DPP10: variants seen among roughly 807,000 people sequenced by gnomAD.
The protein encoded by DPP10 is inactive dipeptidyl peptidase 10.
In DPP10, 33 loss-of-function variants were observed where a neutral mutation model predicts 120.9. That is an observed-to-expected ratio of 0.27 (90% confidence interval 0.21 to 0.37). The LOEUF is 0.37. DPP10 is among the 10% of genes least tolerant of loss of function. The pLI, the probability that DPP10 is intolerant of heterozygous loss-of-function variation, is 1.00. For missense variants in DPP10, 816 were observed against 942.8 expected, an observed-to-expected ratio of 0.87 and a Z score of 1.76; for synonymous variants, 337 against 326.1, an observed-to-expected ratio of 1.03 and a Z score of -0.36.
intron 5 of DPP10, among the ~76,000 whole-genome samples, chr2:115,591,840 G>C (rs1432356784): frequency 6.6e-6 from 1 of 152,134 alleles, no homozygotes; most frequent in Non-Finnish European, 1.5e-5. Context: ...TTGAGCAGTG[G>C]TTTGTAGTTC....
chr2:114,607,303 T>C (rs957425191), intron 1 of DPP10, among the ~76,000 whole-genome samples: 5 of 152,236 alleles, frequency 3.3e-5, no homozygotes, highest in African/African-American at 1.2e-4. Flanking sequence ...CCTGTTTGTG[T>C]GGATAGATAC....
intron 1 of DPP10, among the ~76,000 whole-genome samples, chr2:115,205,722 T>C (rs1378859513): frequency 6.6e-6 from 1 of 152,196 alleles, no homozygotes; most frequent in Non-Finnish European, 1.5e-5. Context: ...ATCATGTTCT[T>C]TGCAGTAACG....
At chr2:115,166,199 C>T (rs1190616359) in intron 1 of DPP10, among the ~76,000 whole-genome samples, 1 of 152,020 alleles carries the variant, frequency 6.6e-6, no homozygotes, top group African/African-American at 2.4e-5. Flanking sequence ...AGTTATTCTT[C>T]CATGTGCCCT....
intron 1 of DPP10, among the ~76,000 whole-genome samples, chr2:115,165,703 A>G (rs1482799666): frequency 6.6e-6 from 1 of 152,282 alleles, no homozygotes; most frequent in South Asian, 2.1e-4. Flanking sequence ...GAGTTTGTTC[A>G]CATTTCCACC....
intron 1 of DPP10, among the ~76,000 whole-genome samples, chr2:115,279,437 A>G (rs913421640): frequency 2.0e-5 from 3 of 152,118 alleles, no homozygotes; most frequent in African/African-American, 4.8e-5. Context: ...GGGCAGGTCC[A>G]TGAACTGCTT....
intron 1 of DPP10, among the ~76,000 whole-genome samples, chr2:115,053,023 T>G (rs1428743994): frequency 1.3e-5 from 2 of 151,414 alleles, no homozygotes; most frequent in East Asian, 3.9e-4. Context: ...TGATCCATCA[T>G]TATTGGGAGT....
chr2:115,572,822 T>C (rs1304351047), intron 5 of DPP10, among the ~76,000 whole-genome samples: 2 of 152,188 alleles, frequency 1.3e-5, no homozygotes, highest in Non-Finnish European at 2.9e-5. Context: ...ACCCAAACTT[T>C]AAAAACCTTT....
At chr2:114,467,584 T>A (rs1292062157) in intron 1 of DPP10, among the ~76,000 whole-genome samples, 1 of 152,216 alleles carries the variant, frequency 6.6e-6, no homozygotes, top group Non-Finnish European at 1.5e-5. Context: ...CCAACCTGTG[T>A]ACCCCAATTG....
At chr2:115,475,422 C>T (rs539822138) in intron 3 of DPP10, among the ~76,000 whole-genome samples, 10 of 152,322 alleles carry the variant, frequency 6.6e-5, no homozygotes, top group African/African-American at 2.2e-4. Flanking sequence ...GCCTAGATTT[C>T]AGAGAATGTA....
chr2:115,483,527 T>C (rs2075577946), intron 3 of DPP10, among the ~76,000 whole-genome samples: 1 of 151,822 alleles, frequency 6.6e-6, no homozygotes, highest in African/African-American at 2.4e-5. Flanking sequence ...AAAACTAATA[T>C]TGTTTGGGAG....
At chr2:115,348,938 C>T (rs1422478551) in intron 3 of DPP10, among the ~76,000 whole-genome samples, 4 of 152,032 alleles carry the variant, frequency 2.6e-5, no homozygotes, top group Admixed American at 6.6e-5. Flanking sequence ...CTGCTCTGGA[C>T]CAGTGGTCAA....
At chr2:115,555,997 A>G (rs2080187147) in intron 5 of DPP10, among the ~76,000 whole-genome samples, 1 of 152,122 alleles carries the variant, frequency 6.6e-6, no homozygotes, top group South Asian at 2.1e-4. Flanking sequence ...AGTCATTGTG[A>G]TTAGCATGGA....
intron 5 of DPP10, among the ~76,000 whole-genome samples, chr2:115,669,801 A>G (rs979013925): frequency 5.3e-5 from 8 of 152,158 alleles, no homozygotes; most frequent in Non-Finnish European, 1.0e-4. Flanking sequence ...AGCCTCTGAC[A>G]TGGTATCCCT....
intron 1 of DPP10, among the ~76,000 whole-genome samples, chr2:115,206,530 C>G (rs1211302544): frequency 1.3e-5 from 2 of 152,126 alleles, no homozygotes; most frequent in Non-Finnish European, 2.9e-5. Context: ...AAAACCATGT[C>G]TATTTGCTTT....
chr2:115,794,981 T>A (rs2149933397), intron 19 of DPP10, among the ~76,000 whole-genome samples: 1 of 152,278 alleles, frequency 6.6e-6, no homozygotes, highest in East Asian at 1.9e-4. Flanking sequence ...CTATAATAGT[T>A]ATTTGGGTTT....
At chr2:114,811,322 G>A (rs751334062) in intron 1 of DPP10, among the ~76,000 whole-genome samples, 1 of 152,130 alleles carries the variant, frequency 6.6e-6, no homozygotes, top group Non-Finnish European at 1.5e-5. Flanking sequence ...GTCTGGGAAC[G>A]AAAGACTAGG....
intron 1 of DPP10, among the ~76,000 whole-genome samples, chr2:115,175,042 A>G (rs1418152087): frequency 6.6e-6 from 1 of 152,194 alleles, no homozygotes; most frequent in Non-Finnish European, 1.5e-5. Flanking sequence ...GCAAAATGAG[A>G]TTCGGATCAA....
At chr2:114,635,429 T>C (rs1373143687) in intron 1 of DPP10, among the ~76,000 whole-genome samples, 1 of 151,944 alleles carries the variant, frequency 6.6e-6, no homozygotes, top group East Asian at 1.9e-4. Context: ...AAAATCACAA[T>C]ACTGCTATCT....
rs762243788 is a variant in DPP10 at position 115,492,132 on chromosome 2, C to CA, written c.272-7373dup. Among the ~76,000 whole-genome samples the CA allele has an allele frequency of 7.2e-4, 109 of 152,098 alleles. 1 individual carries two copies. Among genetic ancestry groups the CA allele is most frequent in the Admixed American group, 9.8e-4 (15 of 15,244 alleles). On this transcript the variant is annotated intron_variant, in intron 3 of 25. Transcript: ENST00000410059. ...GATGTGGTCAAAAACTTAGAGGAAA[C>CA]AAAAATATTTGCTGTGATCATTCTA...
Sources: allele counts gnomAD v4.1 joint callset (sites outside exome capture counted in the v4.1 genomes callset), GRCh38; gene constraint gnomAD v4.1.1; transcripts MANE v1.5; gene names NCBI Gene and HGNC (gene_info 2026-07-23, HGNC 2026-07-21).